The following PRR11 variants were observed in gnomAD, a reference collection of about 807,000 sequenced individuals.
PRR11 encodes proline-rich protein 11.
PRR11 carries 30 observed loss-of-function variants against 45.6 expected under a neutral mutation model. That is an observed-to-expected ratio of 0.66 (90% CI 0.49 to 0.89). PRR11 has a LOEUF of 0.89. Ranked by LOEUF, PRR11 falls within the 40% of genes least tolerant of loss-of-function variation. PRR11 has a pLI of 0.00. For synonymous variants in PRR11, 128 were observed against 153.5 expected (o/e 0.83, Z 1.23); for missense variants, 373 against 424.8 (o/e 0.88, Z 1.07).
At chr17:59,174,657 G>A (rs1329214026) in intron 2 of PRR11, among the ~76,000 whole-genome samples, 3 of 152,114 alleles carry the variant, frequency 2.0e-5, no homozygotes, top group Non-Finnish European at 4.4e-5. Flanking sequence ...CTCGAAGCCG[G>A]ATCAAGCAAT....
At chr17:59,195,868 C>A (rs190896459) in intron 7 of PRR11, among the ~76,000 whole-genome samples, 2 of 151,666 alleles carry the variant, frequency 1.3e-5, no homozygotes, top group African/African-American at 4.8e-5. Flanking sequence ...TGCTTGAGGC[C>A]GGGAGTTTAA....
intron 4 of PRR11, among the ~76,000 whole-genome samples, chr17:59,187,944 T>A (rs564770802): frequency 6.6e-6 from 1 of 151,692 alleles, no homozygotes; most frequent in East Asian, 1.9e-4. Context: ...AAACAAAATG[T>A]CTTTATTTTA....
chr17:59,166,179 A>T (rs1369123608), intron 1 of PRR11, among the ~76,000 whole-genome samples: 1 of 152,236 alleles, frequency 6.6e-6, no homozygotes, highest in Non-Finnish European at 1.5e-5. Context: ...CTGAGCAAGT[A>T]TAGTGCTGCA....
intron 4 of PRR11, among the ~76,000 whole-genome samples, chr17:59,186,733 TA>T (rs1194657447): frequency 4.6e-5 from 7 of 152,064 alleles, no homozygotes; most frequent in Non-Finnish European, 1.0e-4. Context: ...GACATAAAAA[TA>T]AATTTATGCA....
rs2046901569 is a variant in PRR11 at position 59,203,307 on chromosome 17, C to T, written c.*1676C>T. 6.6e-6 allele frequency among the ~76,000 whole-genome samples: 1 copy of T among 152,130 alleles called. No homozygotes were observed. Among genetic ancestry groups the T allele is most frequent in the African/African-American group, 2.4e-5 (1 of 41,434 alleles). ...TGGCGCAATCTTGGCTCACTGCAAC[C>T]TCCACCTCCCAGGTTCAAGCAATTC... is the stretch of plus-strand genomic sequence containing the variant. On this transcript the variant is annotated 3_prime_UTR_variant, in exon 10 of 10. Coordinates refer to ENST00000262293, the MANE Select transcript of PRR11 (RefSeq NM_018304.4).
intron 2 of PRR11, among the ~76,000 whole-genome samples, chr17:59,177,911 A>G (rs2046757368): frequency 6.6e-6 from 1 of 151,718 alleles, no homozygotes; most frequent in Admixed American, 6.6e-5. Context: ...AGGCTGAGGC[A>G]GGATTGCAAG....
intron 4 of PRR11, among the ~76,000 whole-genome samples, chr17:59,193,110 TA>T (rs141624858): frequency 6.6e-6 from 1 of 152,296 alleles, no homozygotes; most frequent in African/African-American, 2.4e-5. Context: ...GAGATCTCAC[TA>T]TGTTGTCCAG....
intron 2 of PRR11, among the ~76,000 whole-genome samples, chr17:59,176,038 C>G (rs2046743364): frequency 6.6e-6 from 1 of 152,102 alleles, no homozygotes. Context: ...TAGGATGTAA[C>G]TGGAGAGCTA....
intron 9 of PRR11, among the ~76,000 whole-genome samples, chr17:59,199,874 C>T (rs1345543575): frequency 6.6e-6 from 1 of 152,162 alleles, no homozygotes; most frequent in Non-Finnish European, 1.5e-5. Context: ...CTTCTTTCCT[C>T]CTCTTAGAGC....
rs376326529 is a variant in PRR11, at chr17:59,185,503, G to A, written c.343G>A (p.Val115Ile). 76 of 1,612,420 alleles carry A rather than the reference G, an allele frequency of 4.7e-5. No individual in the cohort carries two copies. Among genetic ancestry groups the A allele is most frequent in the Non-Finnish European group, 4.8e-5 (57 of 1,179,472 alleles). ...SRICHRELYS[V>I]KQQFCILESK... is the part of the protein sequence containing the mutation. ...TATCTGCCACCGAGAACTTTACAGTGTAAAACAACAGTTTTGCATTTTGGA... is the reference window on the plus strand; with the variant it reads ...TATCTGCCACCGAGAACTTTACAGTATAAAACAACAGTTTTGCATTTTGGA... Residue 115 changes from valine to isoleucine, a missense_variant, in exon 4 of 10, where the codon GTA becomes ATA. Val to Ile is a conservative substitution (Grantham distance 29). Transcript: ENST00000262293.
rs114548492 is a variant in PRR11 at position 59,169,402 on chromosome 17, T to C, written c.-5-346T>C. Among the ~76,000 whole-genome samples, 1,019 of 152,228 alleles carry C rather than the reference T, an allele frequency of 6.7e-3. 6 individuals are homozygous for C. The highest frequency in any genetic ancestry group is 0.023 in the African/African-American group (953 of 41,542). On this transcript the variant is annotated intron_variant, in intron 1 of 9. Coordinates refer to ENST00000262293, the MANE Select transcript of PRR11 (RefSeq NM_018304.4). ...CATGAGCCACCACACCTGGCCAACA[T>C]ATTATTTTAATAACTGACTATAACC... is the stretch of plus-strand genomic sequence containing the variant.
chr17:59,198,334 G>A (rs1429085146), intron 9 of PRR11, among the ~76,000 whole-genome samples: 2 of 151,882 alleles, frequency 1.3e-5, no homozygotes, highest in African/African-American at 2.4e-5. Flanking sequence ...GAGGCCAGGA[G>A]TTTGAGACCA....
chr17:59,169,733 A>C lies in PRR11; in HGVS notation c.-5-15A>C, dbSNP rs531607749. 9.6e-6 allele frequency: 15 copies of C among 1,566,446 alleles called. No individual in the cohort carries two copies. The highest frequency in any genetic ancestry group is 3.6e-5 in the South Asian group (3 of 82,434). On this transcript the variant is annotated splice_polypyrimidine_tract_variant and intron_variant, in intron 1 of 9. Coordinates refer to ENST00000262293, the MANE Select transcript of PRR11 (RefSeq NM_018304.4). Reference sequence around the variant, plus strand: ...ATTATTCTTCAATTAAAAATGTAAAAAAATTTCTCTGCAGAAATCATGCCC... The same window carrying C: ...ATTATTCTTCAATTAAAAATGTAAACAAATTTCTCTGCAGAAATCATGCCC...
chr17:59,200,827 A>G (rs1227752274), intron 9 of PRR11, among the ~76,000 whole-genome samples: 1 of 149,312 alleles, frequency 6.7e-6, no homozygotes, highest in Non-Finnish European at 1.5e-5. Flanking sequence ...GTCTCACTAT[A>G]TCTCCCAGGC....
chr17:59,162,003 T>G (rs560524855), intron 1 of PRR11, among the ~76,000 whole-genome samples: 3 of 152,324 alleles, frequency 2.0e-5, no homozygotes, highest in African/African-American at 7.2e-5. Flanking sequence ...TTTTTTGTGT[T>G]CTTGTTTTGA....
chr17:59,174,206 A>C (rs1226451176), intron 2 of PRR11, among the ~76,000 whole-genome samples: 1 of 152,226 alleles, frequency 6.6e-6, no homozygotes, highest in Non-Finnish European at 1.5e-5. Context: ...GGCACCCTCA[A>C]AGAATGTGGC....
chr17:59,198,673 CAAA>C (rs1397235254), intron 9 of PRR11, among the ~76,000 whole-genome samples: 1 of 135,262 alleles, frequency 7.4e-6, no homozygotes. Flanking sequence ...GACTTAGTCT[CAAA>C]AAAAAAAAAA....
At chr17:59,178,824 C>T (rs1248823444) in intron 2 of PRR11, among the ~76,000 whole-genome samples, 1 of 152,130 alleles carries the variant, frequency 6.6e-6, no homozygotes, top group Non-Finnish European at 1.5e-5. Flanking sequence ...ACTGCAGAGT[C>T]ATAAAGGAAT....
chr17:59,198,414 G>A (rs1041205844), intron 9 of PRR11, among the ~76,000 whole-genome samples: 10 of 152,068 alleles, frequency 6.6e-5, no homozygotes, highest in Admixed American at 4.6e-4. Context: ...GGTGGCTCAC[G>A]CCTGTAATCC....
Sources: gnomAD v4.1 joint callset for allele counts (sites outside exome capture counted in the v4.1 genomes callset) on GRCh38, gnomAD v4.1.1 for gene constraint, MANE v1.5 for transcripts, NCBI Gene and HGNC (gene_info 2026-07-23, HGNC 2026-07-21) for gene names.